STAT5B: variants seen among roughly 807,000 people sequenced by gnomAD.
STAT5B encodes the protein transcription factor STAT5B.
In STAT5B, 21 loss-of-function variants were observed where a neutral mutation model predicts 107.8. The ratio of observed to expected loss-of-function variants is 0.19; its 90% CI spans 0.14 to 0.28. The LOEUF (loss-of-function observed/expected upper bound fraction) is 0.28, where lower values mean the gene tolerates loss of function less well. STAT5B is among the 10% of genes least tolerant of loss of function. STAT5B has a pLI of 1.00. For synonymous variants in STAT5B, 325 were observed against 401.7 expected (o/e 0.81, Z 2.28); for missense variants, 565 against 1,008.2 (o/e 0.56, Z 5.95).
chr17:42,281,725 C>T, the STAT5B span, among the ~76,000 whole-genome samples: 10 of 152,310 alleles, frequency 6.6e-5, 1 homozygote, highest in African/African-American at 1.9e-4. Flanking sequence ...CCAATCTGGG[C>T]TCCCTTCCAG....
chr17:42,255,413 T>C (rs1437945672), intron 1 of STAT5B, among the ~76,000 whole-genome samples: 2 of 152,204 alleles, frequency 1.3e-5, no homozygotes, highest in East Asian at 3.8e-4. Context: ...AGCTGCTGAA[T>C]TAACTTGTCT....
rs2080765479 is a variant in STAT5B, at chr17:42,276,314, T to C, written c.-77A>G. 6.9e-6 allele frequency: 1 copy of C among 145,932 alleles called. No homozygotes were observed. The highest frequency in any genetic ancestry group is 1.5e-5 in the Non-Finnish European group (1 of 65,756). The allele number at this position is 145,932 out of a possible 1,614,324, so 9.0% of individuals were successfully genotyped here. A position where few individuals can be genotyped will look rare whatever the true frequency, so the allele number is the denominator to read the frequency against. On this transcript the variant is annotated 5_prime_UTR_variant, in exon 1 of 19. Coordinates refer to ENST00000293328, the MANE Select transcript of STAT5B (RefSeq NM_012448.4). This position sits in a 1 kb window ranked among gnomAD's most constrained non-coding sequence, Gnocchi z 4.8. ...CTGTCTGGCTTGCCCGCCCGCCCGC[T>C]CGCTCCCTCCCTCGGCCGGGCCGCC...
intron 1 of STAT5B, among the ~76,000 whole-genome samples, chr17:42,274,307 A>C (rs953023742): frequency 2.8e-5 from 4 of 141,916 alleles, no homozygotes; most frequent in South Asian, 4.6e-4. Flanking sequence ...AAAAAAAAAA[A>C]CCTCTCCATT....
chr17:42,279,509 C>T (rs574201317), upstream of STAT5B, among the ~76,000 whole-genome samples: 11 of 152,118 alleles, frequency 7.2e-5, no homozygotes, highest in African/African-American at 2.4e-4. Context: ...TGAAGGGGGC[C>T]GGGCGCAGTG....
chr17:42,236,621 G>A (rs368317607), intron 1 of STAT5B, among the ~76,000 whole-genome samples: 14 of 152,206 alleles, frequency 9.2e-5, no homozygotes, highest in African/African-American at 3.1e-4. Flanking sequence ...TTTTTTAGTA[G>A]AGATGGGGTT....
intron 16 of STAT5B, among the ~76,000 whole-genome samples, chr17:42,204,280 T>C (rs2080069083): frequency 6.6e-6 from 1 of 152,184 alleles, no homozygotes; most frequent in South Asian, 2.1e-4. Flanking sequence ...AGGCTGACTA[T>C]GGAAATCCAG....
At chr17:42,216,824 C>T (rs1483339773) in intron 11 of STAT5B, among the ~76,000 whole-genome samples, 1 of 151,850 alleles carries the variant, frequency 6.6e-6, no homozygotes, top group Non-Finnish European at 1.5e-5. Context: ...ATTATAGGCA[C>T]GTGCCACCAC....
the STAT5B span, among the ~76,000 whole-genome samples, chr17:42,286,392 C>T: frequency 6.6e-6 from 1 of 151,968 alleles, no homozygotes; most frequent in Non-Finnish European, 1.5e-5. Flanking sequence ...GCTCTGAAAA[C>T]ACAGCCACAC....
the STAT5B span, among the ~76,000 whole-genome samples, chr17:42,284,690 G>A: frequency 6.6e-6 from 1 of 152,192 alleles, no homozygotes; most frequent in Admixed American, 6.5e-5. Flanking sequence ...GCCATGCTCC[G>A]CACCGCAGAA....
chr17:42,219,964 A>T, intron 5 of STAT5B, 122 bp from the exon 6 acceptor site: 1 of 1,500,648 alleles, frequency 6.7e-7, no homozygotes, highest in Non-Finnish European at 8.9e-7. Flanking sequence ...ATTAAGGGCA[A>T]GTCGGGGTTC....
intron 1 of STAT5B, among the ~76,000 whole-genome samples, chr17:42,254,225 A>T (rs2080522884): frequency 6.6e-6 from 1 of 152,112 alleles, no homozygotes; most frequent in Non-Finnish European, 1.5e-5. Flanking sequence ...AATAAAAATT[A>T]AAAAATTAGC....
At position 42,212,247 on chromosome 17, in the gene STAT5B, C is replaced by A. The variant is rs936224520; in HGVS notation, c.1474-57G>T. The A allele has an allele frequency of 1.2e-3, 1,987 of 1,591,528 alleles. No homozygotes were observed. Among genetic ancestry groups the A allele is most frequent in the Admixed American group, 0.012 (645 of 55,340 alleles). ...AAAACAGTTGCATGATTTATTCCCT[C>A]AAGCCACAAAAGAAAAACGCTGATG... On this transcript the variant is annotated intron_variant, in intron 12 of 18. Coordinates refer to ENST00000293328, the MANE Select transcript of STAT5B (RefSeq NM_012448.4).
intron 4 of STAT5B, among the ~76,000 whole-genome samples, chr17:42,224,124 G>A (rs2080253648): frequency 6.6e-6 from 1 of 152,044 alleles, no homozygotes; most frequent in Non-Finnish European, 1.5e-5. Flanking sequence ...AGGTCTCTGT[G>A]GACCCAGCCC....
chr17:42,226,420 T>A (rs1046409652), intron 3 of STAT5B, among the ~76,000 whole-genome samples: 2 of 152,076 alleles, frequency 1.3e-5, no homozygotes, highest in African/African-American at 4.8e-5. Context: ...AAAATGGAAA[T>A]CCAGATGAGT....
At chr17:42,268,187 T>G (rs1222622372) in intron 1 of STAT5B, among the ~76,000 whole-genome samples, 1 of 152,178 alleles carries the variant, frequency 6.6e-6, no homozygotes, top group African/African-American at 2.4e-5. Context: ...TCCATTCCTG[T>G]TAAGTACCCT....
chr17:42,202,614 G>A, intron 17 of STAT5B, 143 bp downstream of exon 17: 1 of 1,485,694 alleles, frequency 6.7e-7, no homozygotes, highest in Admixed American at 1.7e-5. Context: ...TACTGGCATA[G>A]CATCACCAAG....
chr17:42,238,384 A>T (rs1423182924), intron 1 of STAT5B, among the ~76,000 whole-genome samples: 1 of 147,580 alleles, frequency 6.8e-6, no homozygotes, highest in African/African-American at 2.5e-5. Flanking sequence ...TCCTCACCTC[A>T]AGTGATCCTC....
chr17:42,262,798 G>C (rs377385710), intron 1 of STAT5B, among the ~76,000 whole-genome samples: 1 of 103,578 alleles, frequency 9.7e-6, no homozygotes, highest in Non-Finnish European at 1.9e-5. Flanking sequence ...ACATATATAT[G>C]TGTGTATATA....
chr17:42,277,758 C>CT (rs796461733), upstream of STAT5B, among the ~76,000 whole-genome samples: 9,209 of 139,786 alleles, frequency 0.066, 380 homozygotes, highest in African/African-American at 0.12. Flanking sequence ...TTTTTCTTTT[C>CT]TTTTTTTTTT....
Sources: allele counts gnomAD v4.1 joint callset (sites outside exome capture counted in the v4.1 genomes callset), GRCh38; gene constraint gnomAD v4.1.1; non-coding constraint Gnocchi (gnomAD v3.1); transcripts MANE v1.5; gene names NCBI Gene and HGNC (gene_info 2026-07-23, HGNC 2026-07-21).